Variants in GRID2 observed in about 807,000 individuals in gnomAD.
The protein encoded by GRID2 is glutamate receptor ionotropic, delta-2.
In GRID2, 33 loss-of-function variants were observed where a neutral mutation model predicts 114.8. The observed-to-expected ratio is 0.29, with a 90% CI of 0.22 to 0.38. The LOEUF is 0.38. GRID2 is among the 10% of genes least tolerant of loss of function. The pLI, the probability that GRID2 is intolerant of heterozygous loss-of-function variation, is 1.00. For synonymous variants in GRID2, 505 were observed against 449.9 expected, an observed-to-expected ratio of 1.12 and a Z score of -1.55; for missense variants, 1,184 against 1,257.7, an observed-to-expected ratio of 0.94 and a Z score of 0.89.
At chr4:92,785,168 T>G (rs1739259516) in intron 2 of GRID2, among the ~76,000 whole-genome samples, 1 of 150,688 alleles carries the variant, frequency 6.6e-6, no homozygotes, top group Non-Finnish European at 1.5e-5. Flanking sequence ...CCAAACATTA[T>G]ATAGATTGTT....
chr4:93,194,174 A>G (rs1192924710), intron 4 of GRID2, among the ~76,000 whole-genome samples: 1 of 152,224 alleles, frequency 6.6e-6, no homozygotes, highest in Non-Finnish European at 1.5e-5. Context: ...GTCTATACTC[A>G]AGGCTGATCT....
rs546736867 is a variant in GRID2, at chr4:93,679,349, G to A, written c.2360+52914G>A. ...TAATGGGAGGCTTTAACACCCCACT[G>A]TCAACATTAGACAGATCAACGAGAC... is the stretch of plus-strand genomic sequence containing the variant. On this transcript the variant is annotated intron_variant, in intron 14 of 15. Transcript: ENST00000282020. Among the ~76,000 whole-genome samples, 7 of 150,956 alleles carry A rather than the reference G, an allele frequency of 4.6e-5. 1 individual carries two copies. The highest frequency in any genetic ancestry group is 1.7e-4 in the African/African-American group (7 of 40,666).
chr4:93,050,456 G>T (rs184310308), intron 2 of GRID2, among the ~76,000 whole-genome samples: 11 of 151,462 alleles, frequency 7.3e-5, no homozygotes, highest in African/African-American at 2.7e-4. Flanking sequence ...GAGCAAACTG[G>T]GTTGCCGTGG....
chr4:92,388,830 ATAT>A (rs1252895475), intron 1 of GRID2, among the ~76,000 whole-genome samples: 1 of 152,078 alleles, frequency 6.6e-6, no homozygotes, highest in Non-Finnish European at 1.5e-5. Context: ...TTGATAAATA[ATAT>A]TATCTAATCA....
chr4:93,267,860 T>A (rs997539561), intron 8 of GRID2, among the ~76,000 whole-genome samples: 2 of 152,188 alleles, frequency 1.3e-5, no homozygotes, highest in African/African-American at 2.4e-5. Flanking sequence ...CAGCCCTCTC[T>A]GAGCTAGGAT....
chr4:93,791,986 T>C (rs1173601634), intron 1 of GRID2, among the ~76,000 whole-genome samples: 1 of 152,224 alleles, frequency 6.6e-6, no homozygotes, highest in African/African-American at 2.4e-5. Context: ...TAAAAGAATG[T>C]ATCTGAAACT....
At chr4:92,894,741 G>A (rs1560676893) in intron 2 of GRID2, among the ~76,000 whole-genome samples, 1 of 152,038 alleles carries the variant, frequency 6.6e-6, no homozygotes, top group African/African-American at 2.4e-5. Flanking sequence ...TCAAAATCTT[G>A]TTCAGTGAAC....
chr4:93,204,518 GAGACTA>G (rs1283781679), intron 4 of GRID2, among the ~76,000 whole-genome samples: 1 of 152,136 alleles, frequency 6.6e-6, no homozygotes, highest in Non-Finnish European at 1.5e-5. Flanking sequence ...ACCAGAAGGA[GAGACTA>G]TCTCCTTGCT....
chr4:93,727,687 A>G (rs1285434778), intron 14 of GRID2, among the ~76,000 whole-genome samples: 1 of 152,176 alleles, frequency 6.6e-6, no homozygotes, highest in Non-Finnish European at 1.5e-5. Context: ...CTATTCAGAG[A>G]TTCAACTTCT....
At chr4:92,457,956 G>A (rs1269497505) in intron 1 of GRID2, among the ~76,000 whole-genome samples, 1 of 152,136 alleles carries the variant, frequency 6.6e-6, no homozygotes, top group East Asian at 1.9e-4. Flanking sequence ...AATAATTTCA[G>A]CACCTAGAAT....
chr4:92,576,328 A>T (rs1727891998), intron 1 of GRID2, among the ~76,000 whole-genome samples: 1 of 152,186 alleles, frequency 6.6e-6, no homozygotes, highest in Non-Finnish European at 1.5e-5. Flanking sequence ...GGAATAGCTG[A>T]TTGGACTAAA....
At chr4:93,466,373 G>A (rs1724271835) in intron 11 of GRID2, among the ~76,000 whole-genome samples, 1 of 152,190 alleles carries the variant, frequency 6.6e-6, no homozygotes, top group South Asian at 2.1e-4. Flanking sequence ...GGGCAAGACA[G>A]AGGTAGAAGA....
chr4:92,736,980 C>A (rs1158996378), intron 2 of GRID2, among the ~76,000 whole-genome samples: 4 of 152,002 alleles, frequency 2.6e-5, no homozygotes, highest in Non-Finnish European at 4.4e-5. Flanking sequence ...ACATTCCAGA[C>A]AGACATAGAA....
chr4:93,442,515 G>A (rs1292755024), intron 10 of GRID2, among the ~76,000 whole-genome samples: 1 of 151,986 alleles, frequency 6.6e-6, no homozygotes, highest in African/African-American at 2.4e-5. Context: ...GGGGCCTAAT[G>A]TGTAGGTGGA....
At chr4:93,110,316 T>C (rs1732647281) in intron 3 of GRID2, among the ~76,000 whole-genome samples, 1 of 152,174 alleles carries the variant, frequency 6.6e-6, no homozygotes, top group South Asian at 2.1e-4. Context: ...TAAGAAACAT[T>C]CATAATCTTG....
chr4:92,625,804 A>G (rs1261055931), intron 2 of GRID2, among the ~76,000 whole-genome samples: 2 of 151,966 alleles, frequency 1.3e-5, no homozygotes, highest in Non-Finnish European at 2.9e-5. Context: ...CTCCAATGCA[A>G]TATAAATCTG....
At chr4:93,568,066 C>A (rs1032383462) in intron 13 of GRID2, among the ~76,000 whole-genome samples, 4 of 152,180 alleles carry the variant, frequency 2.6e-5, no homozygotes, top group Non-Finnish European at 4.4e-5. Context: ...TAGATACAAT[C>A]TCAGCTCTGC....
chr4:92,920,337 T>G (rs1021682759), intron 2 of GRID2, among the ~76,000 whole-genome samples: 11 of 152,130 alleles, frequency 7.2e-5, no homozygotes, highest in African/African-American at 2.7e-4. Flanking sequence ...GGAGCATTTA[T>G]CCCATTTACA....
chr4:93,566,146 G>T (rs1019773958), intron 13 of GRID2, among the ~76,000 whole-genome samples: 12 of 152,104 alleles, frequency 7.9e-5, no homozygotes, highest in African/African-American at 2.9e-4. Context: ...ATTATTTAGA[G>T]AATGGAAAAG....
Sources: allele counts gnomAD v4.1 joint callset (sites outside exome capture counted in the v4.1 genomes callset), GRCh38; gene constraint gnomAD v4.1.1; transcripts MANE v1.5; gene names NCBI Gene and HGNC (gene_info 2026-07-23, HGNC 2026-07-21).